Variants in ASB5 observed in about 807,000 individuals in gnomAD.
ASB5 encodes the protein ankyrin repeat and SOCS box protein 5.
ASB5 carries 45 observed loss-of-function variants against 42.1 expected under a neutral mutation model. The ratio of observed to expected loss-of-function variants is 1.07; its 90% CI spans 0.84 to 1.37. The LOEUF is 1.37. Among genes scored for constraint, ASB5 ranks in the 40% most tolerant of loss-of-function variants. The pLI is 0.00. For synonymous variants in ASB5, 147 were observed against 150.6 expected (o/e 0.98, Z 0.18); for missense variants, 402 against 399.8 (o/e 1.01, Z -0.05).
chr4:176,226,879 C>T (rs1211115899), intron 1 of ASB5, among the ~76,000 whole-genome samples: 1 of 152,228 alleles, frequency 6.6e-6, no homozygotes, highest in Non-Finnish European at 1.5e-5. Context: ...CTGAGCCCCG[C>T]GTCTGAAGTG....
At chr4:176,273,037 C>A (rs1361807845), upstream of ASB5, among the ~76,000 whole-genome samples, 3 of 150,572 alleles carry the variant, frequency 2.0e-5, no homozygotes, top group African/African-American at 7.3e-5. Flanking sequence ...GCAGCCTCGA[C>A]CTCCCAGGCT....
In ASB5 at chr4:176,262,239, A is replaced by T. The variant is rs555281025; in HGVS notation, c.196+6674T>A. On this transcript the variant is annotated intron_variant, in intron 1 of 6. Transcript: ENST00000296525. ...CAATATCAACGTCCCCTATCAAAGT[A>T]CACAAAATCCATTTTGAAATTTTTT... 7.2e-5 allele frequency among the ~76,000 whole-genome samples: 11 copies of T among 152,366 alleles called. No homozygotes were observed. In the South Asian group the frequency reaches 2.1e-3, roughly 29 times the overall value.
chr4:176,251,909 T>C (rs1316187721), intron 1 of ASB5, among the ~76,000 whole-genome samples: 3 of 150,568 alleles, frequency 2.0e-5, no homozygotes, highest in Non-Finnish European at 4.4e-5. Flanking sequence ...CCACAAAAAA[T>C]ACAAAAATTA....
intron 2 of ASB5, among the ~76,000 whole-genome samples, chr4:176,222,768 C>T (rs759082597): frequency 4.6e-5 from 7 of 151,888 alleles, no homozygotes; most frequent in Non-Finnish European, 1.0e-4. Context: ...GAACTAAAGA[C>T]TTGTTGTTTT....
At chr4:176,266,126 T>C (rs1342457654) in intron 1 of ASB5, among the ~76,000 whole-genome samples, 1 of 152,178 alleles carries the variant, frequency 6.6e-6, no homozygotes, top group Admixed American at 6.6e-5. Flanking sequence ...ATTTGTCTAA[T>C]ACAATCAGCT....
chr4:176,245,399 A>T (rs1173597479), intron 1 of ASB5, among the ~76,000 whole-genome samples: 1 of 152,198 alleles, frequency 6.6e-6, no homozygotes, highest in African/African-American at 2.4e-5. Context: ...AGGAAACAAC[A>T]GGTGCTGGAG....
chr4:176,232,885 A>G (rs1245241640), intron 1 of ASB5, among the ~76,000 whole-genome samples: 1 of 152,210 alleles, frequency 6.6e-6, no homozygotes, highest in Non-Finnish European at 1.5e-5. Flanking sequence ...TTTTCAAGCT[A>G]TCAGCTATCT....
At chr4:176,241,002 G>T (rs540304820) in intron 1 of ASB5, among the ~76,000 whole-genome samples, 33 of 152,042 alleles carry the variant, frequency 2.2e-4, no homozygotes, top group Non-Finnish European at 1.5e-5. Context: ...TCAACTTACG[G>T]TTAGTCTTGT....
chr4:176,238,843 A>G (rs1473415467), intron 1 of ASB5, among the ~76,000 whole-genome samples: 2 of 152,178 alleles, frequency 1.3e-5, no homozygotes, highest in African/African-American at 4.8e-5. Flanking sequence ...ACCTCAAGTT[A>G]TCGCTAATGA....
chr4:176,254,734 G>T (rs1219549657), intron 1 of ASB5, among the ~76,000 whole-genome samples: 1 of 152,108 alleles, frequency 6.6e-6, no homozygotes, highest in African/African-American at 2.4e-5. Flanking sequence ...TAGAAAATGG[G>T]CAAAAGACAT....
intron 3 of ASB5, 137 bp downstream of exon 3, chr4:176,222,176 G>A (rs1273658191): frequency 2.7e-6 from 2 of 750,602 alleles, no homozygotes; most frequent in East Asian, 5.4e-5. Flanking sequence ...AGAAGACTAA[G>A]GAATTCAAGA....
At chr4:176,268,394 G>GT (rs1754401268) in intron 1 of ASB5, among the ~76,000 whole-genome samples, 2 of 152,104 alleles carry the variant, frequency 1.3e-5, no homozygotes, top group South Asian at 4.1e-4. Context: ...AATCTTCTTT[G>GT]TGTGTGTGCT....
At chr4:176,261,495 C>A (rs1442018322) in intron 1 of ASB5, among the ~76,000 whole-genome samples, 1 of 152,124 alleles carries the variant, frequency 6.6e-6, no homozygotes, top group Non-Finnish European at 1.5e-5. Flanking sequence ...TTTCTTCATC[C>A]CTGACATTTA....
In ASB5 at chr4:176,219,483, AAT is replaced by A. The variant is rs1247067115; in HGVS notation, c.670+1670_670+1671del. 6.6e-5 allele frequency among the ~76,000 whole-genome samples: 4 copies of A among 60,566 alleles called. 1 individual carries two copies. The highest frequency in any genetic ancestry group is 1.4e-4 in the Non-Finnish European group (4 of 28,434). The allele number at this position is 60,566 out of a possible 152,430, so 39.7% of individuals were successfully genotyped here. A position where few individuals can be genotyped will look rare whatever the true frequency, so the allele number is the denominator to read the frequency against. On this transcript the variant is annotated intron_variant, in intron 5 of 6. Transcript: ENST00000296525. ...AATATATATATTTGTATGATATATA[AAT>A]ATATATATTTGTATGATATATAAAT...
chr4:176,235,117 T>C (rs1380785030), intron 1 of ASB5, among the ~76,000 whole-genome samples: 1 of 152,192 alleles, frequency 6.6e-6, no homozygotes, highest in African/African-American at 2.4e-5. Context: ...AATGAGTCCA[T>C]AATAAATGTA....
At chr4:176,245,489 C>T (rs574311298) in intron 1 of ASB5, among the ~76,000 whole-genome samples, 148 of 152,214 alleles carry the variant, frequency 9.7e-4, no homozygotes, top group Admixed American at 1.8e-3. Flanking sequence ...GACAGTGTGG[C>T]GATTCCTCAA....
intron 1 of ASB5, among the ~76,000 whole-genome samples, chr4:176,257,582 C>T (rs1224119138): frequency 6.6e-6 from 1 of 152,120 alleles, no homozygotes; most frequent in Non-Finnish European, 1.5e-5. Context: ...CAAAAACATA[C>T]CTTGAGTCTT....
At chr4:176,220,891 A>G (rs1372776042) in intron 5 of ASB5, among the ~76,000 whole-genome samples, 1 of 152,162 alleles carries the variant, frequency 6.6e-6, no homozygotes, top group Non-Finnish European at 1.5e-5. Flanking sequence ...ACATACCCAA[A>G]TGTCTGCTAA....
At position 176,268,909 on chromosome 4, in the gene ASB5, A is replaced by G; in HGVS notation, c.196+4T>C. The G allele has an allele frequency of 1.9e-6, 3 of 1,602,430 alleles. No homozygotes were observed. The highest frequency in any genetic ancestry group is 2.6e-6 in the Non-Finnish European group (3 of 1,174,448). ...GAAACAAGAGAGGATTATCATAAAC[A>G]TACCTTGTCCTTGGGTTACTCCATA... is the stretch of plus-strand genomic sequence containing the variant. On this transcript the variant is annotated splice_donor_region_variant and intron_variant, in intron 1 of 6. Transcript: ENST00000296525.
Sources: allele counts gnomAD v4.1 joint callset (sites outside exome capture counted in the v4.1 genomes callset), GRCh38; gene constraint gnomAD v4.1.1; transcripts MANE v1.5; gene names NCBI Gene and HGNC (gene_info 2026-07-23, HGNC 2026-07-21).